The following SRGAP1 variants were observed in gnomAD, a reference collection of about 807,000 sequenced individuals.
The protein encoded by SRGAP1 is SLIT-ROBO Rho GTPase activating protein 1, also known as SLIT-ROBO Rho GTPase-activating protein 1.
Under a neutral mutation model 121.9 loss-of-function variants are expected in SRGAP1, and 43 were observed. The ratio of observed to expected loss-of-function variants is 0.35; its 90% CI spans 0.28 to 0.46. The LOEUF (loss-of-function observed/expected upper bound fraction) is 0.46, where lower values mean the gene tolerates loss of function less well. Ranked by LOEUF, SRGAP1 falls within the 20% of genes least tolerant of loss-of-function variation. The pLI is 1.00. For missense variants in SRGAP1, 1,102 were observed against 1,350.9 expected (o/e 0.82, Z 2.89); for synonymous variants, 447 against 485.4 (o/e 0.92, Z 1.04).
intron 3 of SRGAP1, among the ~76,000 whole-genome samples, chr12:63,993,485 TAGTG>T (rs1024596083): frequency 6.6e-6 from 1 of 152,172 alleles, no homozygotes; most frequent in African/African-American, 2.4e-5. Context: ...GTGGAGTCAT[TAGTG>T]AGCATAATGC....
chr12:63,961,404 C>T (rs1431116586), intron 1 of SRGAP1, among the ~76,000 whole-genome samples: 1 of 152,210 alleles, frequency 6.6e-6, no homozygotes, highest in Admixed American at 6.5e-5. Flanking sequence ...AGCTCTGCTC[C>T]TCACTGTGCA....
Position 64,042,892 on chromosome 12 carries a change from G to A in SRGAP1, c.592G>A (p.Asp198Asn). 1 of 1,613,680 alleles carries A rather than the reference G, an allele frequency of 6.2e-7. No homozygotes were observed. The highest frequency in any genetic ancestry group is 8.5e-7 in the Non-Finnish European group (1 of 1,179,692). ...GGAAAAGCAAATTGGGAGATCTGGT[G>A]ATCCAGTCTTCCATATTCGACTAGA... is the stretch of plus-strand genomic sequence containing the variant. Reference protein sequence around the residue: ...QEEKQIGRSGDPVFHIRLEER... With the variant: ...QEEKQIGRSGNPVFHIRLEER... The change falls in exon 5 of 22, where the codon GAT becomes AAT. Residue 198 changes from aspartate to asparagine, a missense_variant. Transcript: ENST00000355086.
Position 64,091,313 on chromosome 12 carries a change from A to G in SRGAP1, c.1474A>G (p.Lys492Glu). 2 of 1,610,334 alleles carry G rather than the reference A, an allele frequency of 1.2e-6. No homozygotes were observed. The highest frequency in any genetic ancestry group is 1.7e-6 in the Non-Finnish European group (2 of 1,177,800). Reference sequence around the variant, plus strand: ...TCCCCCTAAGCCCCAGAAACACAGGAAGTCCAGGCCCCGCTCACAGTATAA... The same window carrying G: ...TCCCCCTAAGCCCCAGAAACACAGGGAGTCCAGGCCCCGCTCACAGTATAA... Reference protein sequence around the residue: ...NVPPKPQKHRKSRPRSQYNTK... With the variant: ...NVPPKPQKHRESRPRSQYNTK... Residue 492 changes from lysine to glutamate, a missense_variant, in exon 12 of 22, where the codon AAG (lysine) becomes GAG (glutamate). Around this residue, in one of 3 missense-constraint regions of SRGAP1, gnomAD observed 747 missense variants for 929.4 expected, o/e 0.80. Coordinates refer to ENST00000355086, the MANE Select transcript of SRGAP1 (RefSeq NM_020762.4).
At chr12:63,909,963 A>G (rs2030414914) in intron 1 of SRGAP1, among the ~76,000 whole-genome samples, 1 of 152,222 alleles carries the variant, frequency 6.6e-6, no homozygotes, top group African/African-American at 2.4e-5. Flanking sequence ...CTTAAAGTCA[A>G]CCCGTTATAG....
chr12:64,132,437 G>A (rs149980754), intron 21 of SRGAP1, among the ~76,000 whole-genome samples: 3 of 152,290 alleles, frequency 2.0e-5, no homozygotes, highest in Non-Finnish European at 2.9e-5. Flanking sequence ...TGAGTCACTC[G>A]ATAAATGGGC....
chr12:63,915,432 G>A (rs935696044), intron 1 of SRGAP1, among the ~76,000 whole-genome samples: 6 of 152,186 alleles, frequency 3.9e-5, no homozygotes, highest in African/African-American at 1.2e-4. Flanking sequence ...GGAACCAAAA[G>A]AATGGGGGCA....
In SRGAP1 at chr12:64,153,896, C is replaced by A. The variant is rs1268235283; in HGVS notation, c.*11224C>A. On this transcript the variant is annotated 3_prime_UTR_variant, in exon 22 of 22. Coordinates refer to ENST00000355086, the MANE Select transcript of SRGAP1 (RefSeq NM_020762.4). ...CACAATAGCCACAAGAGAGAAGCAA[C>A]CCATGAATGGATGAATGGGTAAAGA... The A allele has an allele frequency of 2.0e-5, 3 of 152,178 alleles. No individual in the cohort carries two copies. Among genetic ancestry groups the A allele is most frequent in the Non-Finnish European group, 2.9e-5 (2 of 68,046 alleles). 9.4% of individuals were successfully genotyped at this position (152,178 alleles called of 1,614,324 possible). A position where few individuals can be genotyped will look rare whatever the true frequency, so the allele number is the denominator to read the frequency against.
chr12:64,060,067 T>A (rs1273733080), intron 6 of SRGAP1, among the ~76,000 whole-genome samples: 1 of 152,124 alleles, frequency 6.6e-6, no homozygotes, highest in Non-Finnish European at 1.5e-5. Context: ...TGCATATGAA[T>A]CACCTGTGGA....
rs937089701 is a variant in SRGAP1 at position 64,148,472 on chromosome 12, G to A, written c.*5800G>A. ...ACTTTTCGTATTTTTAGTGGAAACG[G>A]GGTTTCACCATGTTGGCCAGGCTGG... On this transcript the variant is annotated 3_prime_UTR_variant, in exon 22 of 22. Coordinates refer to ENST00000355086, the MANE Select transcript of SRGAP1 (RefSeq NM_020762.4). The A allele has an allele frequency of 4.7e-4, 72 of 151,890 alleles. No homozygotes were observed. The highest frequency in any genetic ancestry group is 1.7e-3 in the African/African-American group (69 of 41,420). The allele number at this position is 151,890 out of a possible 1,614,324, so 9.4% of individuals were successfully genotyped here.
chr12:63,916,643 AGGGAAATGACG>A (rs67569976), intron 1 of SRGAP1, among the ~76,000 whole-genome samples: 77,898 of 151,606 alleles, frequency 0.51, 21,433 homozygotes, highest in East Asian at 0.66. Flanking sequence ...GAGGGGCTGG[AGGGAAATGACG>A]GGGAACATTT....
intron 1 of SRGAP1, among the ~76,000 whole-genome samples, chr12:63,949,395 A>ATTT (rs1280848053): frequency 0.015 from 1,485 of 100,352 alleles, 44 homozygotes; most frequent in African/African-American, 0.05. Flanking sequence ...CATTTTTATT[A>ATTT]TTTATTATTA....
chr12:64,134,117 G>A (rs2036824581), intron 21 of SRGAP1, among the ~76,000 whole-genome samples: 1 of 151,962 alleles, frequency 6.6e-6, no homozygotes, highest in Non-Finnish European at 1.5e-5. Flanking sequence ...GCAATTACAG[G>A]GCTCTTCAAA....
Position 64,147,441 on chromosome 12 carries a change from C to A in SRGAP1, c.*4769C>A. On this transcript the variant is annotated 3_prime_UTR_variant, in exon 22 of 22. Coordinates refer to ENST00000355086, the MANE Select transcript of SRGAP1 (RefSeq NM_020762.4). ...CTGTCCCCCACCTTCCCCATCCCCGCCTTCCTGTGCCTCGGTGCTCAGTAA... is the reference window on the plus strand; with the variant it reads ...CTGTCCCCCACCTTCCCCATCCCCGACTTCCTGTGCCTCGGTGCTCAGTAA... The A allele has an allele frequency of 2.5e-6, 1 of 398,026 alleles. No individual in the cohort carries two copies. Among genetic ancestry groups the A allele is most frequent in the Non-Finnish European group, 4.4e-6 (1 of 226,056 alleles). 24.7% of individuals were successfully genotyped at this position (398,026 alleles called of 1,614,324 possible).
intron 8 of SRGAP1, among the ~76,000 whole-genome samples, chr12:64,070,634 A>C (rs988259464): frequency 2.0e-5 from 3 of 152,204 alleles, no homozygotes; most frequent in Admixed American, 6.5e-5. Flanking sequence ...AGCACCATTT[A>C]AAGTCTTTCA....
chr12:64,017,764 G>A (rs2034443223), intron 4 of SRGAP1, among the ~76,000 whole-genome samples: 2 of 151,472 alleles, frequency 1.3e-5, no homozygotes, highest in African/African-American at 4.8e-5. Flanking sequence ...TTTTGTTAAT[G>A]ACATATTAAA....
At chr12:64,017,140 G>A (rs2034424917) in intron 4 of SRGAP1, 128 bp downstream of exon 4, 2 of 580,036 alleles carry the variant, frequency 3.4e-6, no homozygotes, top group Non-Finnish European at 3.0e-6. Context: ...TGAAATACAG[G>A]AACAAGGGAT....
chr12:63,858,962 C>A (rs916482658), intron 1 of SRGAP1, among the ~76,000 whole-genome samples: 6 of 152,134 alleles, frequency 3.9e-5, no homozygotes, highest in African/African-American at 1.4e-4. Flanking sequence ...CTCGGCCTCC[C>A]AAAGTGCTGG....
At chr12:63,990,216 AT>A (rs2033516620) in intron 3 of SRGAP1, 144 bp downstream of exon 3, 2 of 697,828 alleles carry the variant, frequency 2.9e-6, no homozygotes, top group Admixed American at 5.7e-5. Flanking sequence ...AGATGAATGG[AT>A]GTTTTAAAGA....
At chr12:64,123,868 GC>G (rs1271904317) in intron 18 of SRGAP1, among the ~76,000 whole-genome samples, 2 of 152,104 alleles carry the variant, frequency 1.3e-5, no homozygotes, top group South Asian at 2.1e-4. Context: ...TTGTTGGGAA[GC>G]CTACTGTGCA....
Sources: gnomAD v4.1 joint callset for allele counts (sites outside exome capture counted in the v4.1 genomes callset) on GRCh38, gnomAD v4.1.1 for gene constraint, gnomAD v4.1.1 regional missense constraint, MANE v1.5 for transcripts, NCBI Gene and HGNC (gene_info 2026-07-23, HGNC 2026-07-21) for gene names.